FUT8: variants seen among roughly 807,000 people sequenced by gnomAD.
FUT8 encodes alpha-(1,6)-fucosyltransferase.
Under a neutral mutation model 71.3 loss-of-function variants are expected in FUT8, and 29 were observed. The observed-to-expected ratio is 0.41, with a 90% CI of 0.30 to 0.55. The LOEUF (loss-of-function observed/expected upper bound fraction) is 0.55. Among genes scored for constraint, FUT8 ranks in the 20% least tolerant of loss-of-function variants. FUT8 has a pLI of 0.34. For missense variants in FUT8, 544 were observed against 702.1 expected (o/e 0.77, Z 2.55); for synonymous variants, 254 against 239.3 (o/e 1.06, Z -0.57).
In FUT8 at chr14:65,490,676, C is replaced by T. The variant is rs147143289; in HGVS notation, c.-228+34958C>T. 8.8e-4 allele frequency among the ~76,000 whole-genome samples: 134 copies of T among 152,226 alleles called. No homozygotes were observed. The Middle Eastern group carries it at 0.01, about 12-fold the overall frequency. On this transcript the variant is annotated intron_variant, in intron 2 of 10. Coordinates refer to ENST00000673929, the MANE Select transcript of FUT8 (RefSeq NM_001371533.1). ...TATGATAAATCAAAAACTAAATACA[C>T]ATCTATGTCACATCCCTCCCTCCTC...
chr14:65,370,068 A>C, the FUT8 span, among the ~76,000 whole-genome samples: 31 of 151,868 alleles, frequency 2.0e-4, no homozygotes, highest in Admixed American at 1.9e-3. Flanking sequence ...TGCTAGTATT[A>C]TTCTTCTTCA....
intron 6 of FUT8, among the ~76,000 whole-genome samples, chr14:65,645,729 A>G (rs1891094912): frequency 6.6e-6 from 1 of 152,220 alleles, no homozygotes; most frequent in Non-Finnish European, 1.5e-5. Context: ...TAGTGACAGA[A>G]GAGAACTTCT....
At chr14:65,594,701 C>T (rs772659625) in intron 3 of FUT8, among the ~76,000 whole-genome samples, 77 of 152,084 alleles carry the variant, frequency 5.1e-4, no homozygotes, top group Admixed American at 4.2e-3. Flanking sequence ...GAGAGGGGAG[C>T]GAGAAAGGGA....
intron 1 of FUT8, among the ~76,000 whole-genome samples, chr14:65,419,342 T>C (rs1261395575): frequency 6.6e-6 from 1 of 152,074 alleles, no homozygotes; most frequent in Non-Finnish European, 1.5e-5. Context: ...AAAAAAACTA[T>C]GTTCATTGAA....
At chr14:65,668,024 A>G (rs892490032) in intron 6 of FUT8, among the ~76,000 whole-genome samples, 5 of 152,192 alleles carry the variant, frequency 3.3e-5, no homozygotes, top group African/African-American at 7.2e-5. Flanking sequence ...AGCTATATGC[A>G]TAAGATTGAA....
At chr14:65,655,715 A>G (rs1426158674) in intron 6 of FUT8, among the ~76,000 whole-genome samples, 1 of 152,212 alleles carries the variant, frequency 6.6e-6, no homozygotes, top group Non-Finnish European at 1.5e-5. Flanking sequence ...CCCTCTTTCA[A>G]TAATTGATGG....
chr14:65,723,579 C>T (rs368238962), intron 8 of FUT8, among the ~76,000 whole-genome samples: 1 of 152,094 alleles, frequency 6.6e-6, no homozygotes, highest in Admixed American at 6.6e-5. Flanking sequence ...TAGTAAAAAC[C>T]GTTAAAAGGT....
the FUT8 span, among the ~76,000 whole-genome samples, chr14:65,376,878 A>T: frequency 6.6e-6 from 1 of 152,320 alleles, no homozygotes; most frequent in East Asian, 1.9e-4. Flanking sequence ...GAGCAAGGTG[A>T]GTTCCTATGA....
chr14:65,505,497 A>G (rs145346738), intron 2 of FUT8, among the ~76,000 whole-genome samples: 1,820 of 151,818 alleles, frequency 0.012, 15 homozygotes, highest in Middle Eastern at 0.024. Flanking sequence ...TATTTTTAGT[A>G]GAGACGGGGT....
At chr14:65,543,899 C>T (rs990254921) in intron 2 of FUT8, among the ~76,000 whole-genome samples, 4 of 152,026 alleles carry the variant, frequency 2.6e-5, no homozygotes, top group African/African-American at 9.7e-5. Context: ...AGCTAGAGGA[C>T]AAAAACAGAT....
At chr14:65,737,218 C>T (rs987538291) in intron 10 of FUT8, among the ~76,000 whole-genome samples, 1 of 152,114 alleles carries the variant, frequency 6.6e-6, no homozygotes, top group Non-Finnish European at 1.5e-5. Context: ...AAAGCCAACA[C>T]TGTGGCTCTG....
intron 1 of FUT8, among the ~76,000 whole-genome samples, chr14:65,451,461 G>A (rs949475693): frequency 1.3e-5 from 2 of 152,224 alleles, no homozygotes; most frequent in Non-Finnish European, 1.5e-5. Flanking sequence ...TTTTAGCTCC[G>A]CTGTCCGTGG....
chr14:65,683,082 C>T (rs371013636), intron 7 of FUT8, among the ~76,000 whole-genome samples: 18 of 150,506 alleles, frequency 1.2e-4, no homozygotes, highest in African/African-American at 3.4e-4. Flanking sequence ...GGCACCATCT[C>T]GGCTCACTGC....
intron 6 of FUT8, among the ~76,000 whole-genome samples, chr14:65,633,813 T>C (rs1174035024): frequency 2.7e-5 from 4 of 149,636 alleles, no homozygotes; most frequent in Non-Finnish European, 5.9e-5. Flanking sequence ...GTGAGGAGCG[T>C]CTCCGCCCGG....
Position 65,467,903 on chromosome 14 carries a change from C to T in FUT8, c.-228+12185C>T. 1.3e-6 allele frequency: 1 copy of T among 757,214 alleles called. No homozygotes were observed. The highest frequency in any genetic ancestry group is 1.3e-5 in the South Asian group (1 of 74,172). The allele number at this position is 757,214 out of a possible 1,614,324, so 46.9% of individuals were successfully genotyped here. On this transcript the variant is annotated intron_variant, in intron 2 of 10. Transcript: ENST00000673929. The surrounding 1 kb of genome is among the most constrained non-coding windows in gnomAD (Gnocchi z 4.1). ...CTTCTCTGGATGGAGCAGGCTGGTG[C>T]TTCAGTAGAACCCGGGTACCTTTCT...
At chr14:65,596,708 C>G (rs1888000740) in intron 3 of FUT8, among the ~76,000 whole-genome samples, 1 of 152,006 alleles carries the variant, frequency 6.6e-6, no homozygotes, top group African/African-American at 2.4e-5. Context: ...CTACAGAATT[C>G]TTTGATGATA....
At chr14:65,435,135 C>T (rs1439582255) in intron 1 of FUT8, among the ~76,000 whole-genome samples, 1 of 152,174 alleles carries the variant, frequency 6.6e-6, no homozygotes, top group African/African-American at 2.4e-5. Context: ...TGCTCAGGTC[C>T]CTTATGTAAA....
At chr14:65,718,850 G>T (rs949870517) in intron 7 of FUT8, among the ~76,000 whole-genome samples, 5 of 152,154 alleles carry the variant, frequency 3.3e-5, no homozygotes, top group Non-Finnish European at 5.9e-5. Context: ...GGAGCTCCAT[G>T]GTATGTTATT....
At chr14:65,634,036 C>G (rs1034938396) in intron 6 of FUT8, among the ~76,000 whole-genome samples, 1 of 152,238 alleles carries the variant, frequency 6.6e-6, no homozygotes, top group Non-Finnish European at 1.5e-5. Context: ...AGCCCCTCTG[C>G]CCGGCCACCA....
Sources: allele counts gnomAD v4.1 joint callset (sites outside exome capture counted in the v4.1 genomes callset), GRCh38; gene constraint gnomAD v4.1.1; non-coding constraint Gnocchi (gnomAD v3.1); transcripts MANE v1.5; gene names NCBI Gene and HGNC (gene_info 2026-07-23, HGNC 2026-07-21).